PCDHA8: variants seen among roughly 807,000 people sequenced by gnomAD.
The protein encoded by PCDHA8 is protocadherin alpha-8.
PCDHA8 carries 53 observed loss-of-function variants against 61.8 expected under a neutral mutation model. That is an observed-to-expected ratio of 0.86 (90% CI 0.69 to 1.08). The LOEUF (loss-of-function observed/expected upper bound fraction) is 1.08, where lower values mean the gene tolerates loss of function less well. Ranked by LOEUF, PCDHA8 falls within the 50% of genes least tolerant of loss-of-function variation. The probability of loss-of-function intolerance (pLI) is 0.00; values close to 1 mark genes in which losing one functional copy is unlikely to be tolerated. For synonymous variants in PCDHA8, 618 were observed against 556.6 expected, an observed-to-expected ratio of 1.11 and a Z score of -1.55; for missense variants, 1,293 against 1,245.0, an observed-to-expected ratio of 1.04 and a Z score of -0.58.
At chr5:141,004,677 A>T (rs971713487) in intron 3 of PCDHA8, among the ~76,000 whole-genome samples, 4 of 152,194 alleles carry the variant, frequency 2.6e-5, no homozygotes, top group African/African-American at 7.2e-5. Context: ...AGGACTGTGG[A>T]GTGGTGCTGA....
intron 1 of PCDHA8, among the ~76,000 whole-genome samples, chr5:140,892,996 G>A (rs1014134688): frequency 2.0e-5 from 3 of 152,162 alleles, no homozygotes; most frequent in Admixed American, 1.3e-4. Flanking sequence ...GTGAGAACAT[G>A]TATTTATTTT....
At chr5:140,861,726 T>C (rs571512824) in intron 1 of PCDHA8, 11 of 216,910 alleles carry the variant, frequency 5.1e-5, no homozygotes, top group African/African-American at 2.6e-4. Flanking sequence ...AATGCTCTGA[T>C]GACTTACATA....
At chr5:140,959,443 G>C (rs1472511414) in intron 1 of PCDHA8, among the ~76,000 whole-genome samples, 1 of 151,580 alleles carries the variant, frequency 6.6e-6, no homozygotes, top group Non-Finnish European at 1.5e-5. Context: ...TTTCTATTTT[G>C]TGCTGAAAAG....
intron 1 of PCDHA8, among the ~76,000 whole-genome samples, chr5:140,907,298 A>T (rs138771358): frequency 0.017 from 2,638 of 152,276 alleles, 92 homozygotes; most frequent in African/African-American, 0.06. Context: ...CTGCTTCAGG[A>T]TGATGGGGAA....
chr5:140,882,450 C>T (rs781827745), intron 1 of PCDHA8: 2 of 1,613,990 alleles, frequency 1.2e-6, no homozygotes, highest in Non-Finnish European at 1.7e-6. Flanking sequence ...GAGCTGGTGC[C>T]GCGCCTGTTC....
At chr5:140,948,527 A>G (rs902965857) in intron 1 of PCDHA8, among the ~76,000 whole-genome samples, 7 of 151,560 alleles carry the variant, frequency 4.6e-5, no homozygotes, top group Non-Finnish European at 8.9e-5. Context: ...CACTATTTAT[A>G]TTTTATTTCA....
intron 1 of PCDHA8, among the ~76,000 whole-genome samples, chr5:140,923,177 A>G (rs1325033307): frequency 2.0e-5 from 3 of 152,174 alleles, no homozygotes; most frequent in African/African-American, 7.2e-5. Context: ...TTTTGTTCAG[A>G]TGCATCTACT....
At chr5:140,883,474 G>C in intron 1 of PCDHA8, 1 of 1,614,126 alleles carries the variant, frequency 6.2e-7, no homozygotes, top group Middle Eastern at 1.7e-4. Flanking sequence ...CCACCTACAA[G>C]AACTACTACT....
chr5:140,966,767 A>G, intron 1 of PCDHA8: 1 of 1,484,362 alleles, frequency 6.7e-7, no homozygotes, highest in Non-Finnish European at 8.9e-7. Context: ...GCCAGTGGCT[A>G]TGGAGCAGGC....
At chr5:140,870,737 G>A in intron 1 of PCDHA8, 1 of 1,613,478 alleles carries the variant, frequency 6.2e-7, no homozygotes, top group Non-Finnish European at 8.5e-7. Flanking sequence ...CCGCCTCTGA[G>A]CAGCAACGTG....
In PCDHA8 at chr5:140,926,973, G is replaced by T. The variant is rs369317394; in HGVS notation, c.2395-51976G>T. 5.0e-6 allele frequency: 8 copies of T among 1,609,646 alleles called. No homozygotes were observed. The African/African-American group carries it at 1.1e-4, about 21-fold the overall frequency. On this transcript the variant is annotated intron_variant, in intron 1 of 3. Transcript: ENST00000531613. ...CGGGACAGCTCGAGTACTCAGTGCC[G>T]GAGGAGACGGAGCGGGGCGTAGCCG...
chr5:140,930,822 G>A (rs1338942917), intron 1 of PCDHA8, among the ~76,000 whole-genome samples: 2 of 152,140 alleles, frequency 1.3e-5, no homozygotes, highest in Non-Finnish European at 2.9e-5. Context: ...CTTAGTAAAT[G>A]CTGACTGAAT....
chr5:140,993,519 GAGAC>G (rs1554253814), intron 3 of PCDHA8, among the ~76,000 whole-genome samples: 1 of 151,288 alleles, frequency 6.6e-6, no homozygotes, highest in Non-Finnish European at 1.5e-5. Context: ...CGGGGAGAGA[GAGAC>G]AGAGAGAGAG....
chr5:140,881,743 A>C (rs964884426), intron 1 of PCDHA8, among the ~76,000 whole-genome samples: 4 of 152,182 alleles, frequency 2.6e-5, no homozygotes, highest in African/African-American at 9.7e-5. Flanking sequence ...CAGGAAGAGG[A>C]CAGTACCACA....
At position 140,884,470 on chromosome 5, in the gene PCDHA8, G is replaced by A. The variant is rs1453696477; in HGVS notation, c.2394+40755G>A. The A allele has an allele frequency of 2.5e-6, 4 of 1,613,644 alleles. No homozygotes were observed. Among genetic ancestry groups the A allele is most frequent in the South Asian group, 2.2e-5 (2 of 91,036 alleles). On this transcript the variant is annotated intron_variant, in intron 1 of 3. Coordinates refer to ENST00000531613, the MANE Select transcript of PCDHA8 (RefSeq NM_018911.3). The stretch of plus-strand genomic sequence containing the variant: ...CGCCCACCGAGGGCGCGTGCGCGCC[G>A]GGCAAGCCCACTCTAGTGTGCTCCA...
chr5:140,938,843 C>G (rs1232774282), intron 1 of PCDHA8, among the ~76,000 whole-genome samples: 1 of 152,130 alleles, frequency 6.6e-6, no homozygotes, highest in East Asian at 1.9e-4. Context: ...AACAAACCTG[C>G]CCATGTACCC....
At chr5:140,850,006 T>G (rs2150463121) in intron 1 of PCDHA8, 1 of 1,596,968 alleles carries the variant, frequency 6.3e-7, no homozygotes, top group Non-Finnish European at 8.6e-7. Flanking sequence ...GAGCGCTCGC[T>G]GTCGAGCTAC....
At chr5:140,856,459 A>G (rs566691333) in intron 1 of PCDHA8, 2 of 1,598,380 alleles carry the variant, frequency 1.3e-6, no homozygotes, top group South Asian at 2.2e-5. Flanking sequence ...TAACAGAACA[A>G]AAGCTCTCAA....
intron 1 of PCDHA8, chr5:140,877,909 C>A: frequency 6.3e-6 from 9 of 1,432,578 alleles, no homozygotes; most frequent in Non-Finnish European, 7.3e-6. Flanking sequence ...TAACTACATT[C>A]TCTCATTTTT....
Sources: allele counts gnomAD v4.1 joint callset (sites outside exome capture counted in the v4.1 genomes callset), GRCh38; gene constraint gnomAD v4.1.1; transcripts MANE v1.5; gene names NCBI Gene and HGNC (gene_info 2026-07-23, HGNC 2026-07-21).